The following CTIF variants were observed in gnomAD, a reference collection of about 807,000 sequenced individuals.
CTIF encodes the protein CBP80/20-dependent translation initiation factor.
Under a neutral mutation model 66.0 loss-of-function variants are expected in CTIF, and 21 were observed. The ratio of observed to expected loss-of-function variants is 0.32; its 90% CI spans 0.23 to 0.46. The LOEUF (loss-of-function observed/expected upper bound fraction) is 0.46. CTIF is among the 20% of genes least tolerant of loss of function. The pLI, the probability that CTIF is intolerant of heterozygous loss-of-function variation, is 1.00. For synonymous variants in CTIF, 345 were observed against 326.4 expected (o/e 1.06, Z -0.62); for missense variants, 739 against 812.7 (o/e 0.91, Z 1.10).
chr18:48,769,658 G>A (rs1909913766), intron 9 of CTIF, among the ~76,000 whole-genome samples: 1 of 152,246 alleles, frequency 6.6e-6, no homozygotes, highest in South Asian at 2.1e-4. Flanking sequence ...AAGAGCCAAT[G>A]CCTGACTCCT....
chr18:48,718,736 C>A lies in CTIF; in HGVS notation c.584+7041C>A, dbSNP rs137928883. On this transcript the variant is annotated intron_variant, in intron 7 of 11. Transcript: ENST00000256413. ...AATAATGTCTTACCAGCTAACTGGG[C>A]ACCCCCTAGCCCAGTCAGGTTGACA... 1.8e-4 allele frequency among the ~76,000 whole-genome samples: 27 copies of A among 152,324 alleles called. No homozygotes were observed. The East Asian group carries it at 4.2e-3, about 24-fold the overall frequency.
intron 6 of CTIF, among the ~76,000 whole-genome samples, chr18:48,709,662 G>T (rs1291836293): frequency 6.6e-6 from 1 of 152,270 alleles, no homozygotes; most frequent in Non-Finnish European, 1.5e-5. Context: ...GGGAGGGAGG[G>T]AAAGAGGGAA....
chr18:48,702,590 G>A (rs2092098330), intron 6 of CTIF, among the ~76,000 whole-genome samples: 1 of 152,184 alleles, frequency 6.6e-6, no homozygotes, highest in African/African-American at 2.4e-5. Flanking sequence ...TGGGGTGCCA[G>A]GGCTCAGCGG....
At chr18:48,849,371 T>A (rs1425209902) in intron 10 of CTIF, among the ~76,000 whole-genome samples, 1 of 151,472 alleles carries the variant, frequency 6.6e-6, no homozygotes, top group Non-Finnish European at 1.5e-5. Context: ...CAAATTTTTG[T>A]ATTTTTAGTA....
At chr18:48,810,800 TA>T (rs1333723915) in intron 9 of CTIF, among the ~76,000 whole-genome samples, 1 of 151,824 alleles carries the variant, frequency 6.6e-6, no homozygotes, top group African/African-American at 2.4e-5. Context: ...GTTATCTCTT[TA>T]TTATGGATTG....
chr18:48,757,579 A>G (rs578190890), intron 7 of CTIF, among the ~76,000 whole-genome samples: 13 of 152,360 alleles, frequency 8.5e-5, no homozygotes, highest in Admixed American at 2.0e-4. Flanking sequence ...GTGATGACAG[A>G]GTCAGAGGCA....
chr18:48,641,242 G>A (rs1568097000), intron 3 of CTIF, among the ~76,000 whole-genome samples: 1 of 152,272 alleles, frequency 6.6e-6, no homozygotes, highest in African/African-American at 2.4e-5. Context: ...CATGGGAAAG[G>A]TTGTATGGGG....
intron 3 of CTIF, among the ~76,000 whole-genome samples, chr18:48,657,348 A>G (rs1330539100): frequency 6.6e-6 from 1 of 152,226 alleles, no homozygotes; most frequent in Non-Finnish European, 1.5e-5. Flanking sequence ...TATACCAAAC[A>G]TTTGACTATA....
chr18:48,649,036 T>C (rs1048453151), intron 3 of CTIF, among the ~76,000 whole-genome samples: 2 of 152,172 alleles, frequency 1.3e-5, no homozygotes, highest in African/African-American at 2.4e-5. Context: ...CCCAGCATGA[T>C]TGATGCAGAA....
chr18:48,625,114 G>A (rs954826114), intron 2 of CTIF: 11 of 516,122 alleles, frequency 2.1e-5, no homozygotes, highest in African/African-American at 6.3e-5. Context: ...CTGTTCCCTC[G>A]CCCTTTTTCT....
chr18:48,743,185 G>C lies in CTIF; in HGVS notation c.585-14734G>C, dbSNP rs573455720. ...TCATTCATCTGGTCAGAGTTCTCGT[G>C]TGGCAGCTCCTGCAGCTTGCAGAGC... On this transcript the variant is annotated intron_variant, in intron 7 of 11. Transcript: ENST00000256413. Among the ~76,000 whole-genome samples the C allele has an allele frequency of 2.6e-5, 4 of 152,288 alleles. No homozygotes were observed. In the South Asian group the frequency reaches 8.3e-4, roughly 32 times the overall value.
chr18:48,841,113 T>C (rs1458785414), intron 10 of CTIF, among the ~76,000 whole-genome samples: 1 of 152,132 alleles, frequency 6.6e-6, no homozygotes, highest in Admixed American at 6.5e-5. Context: ...CTGTAAAGTC[T>C]GAGGTTGGTA....
intron 5 of CTIF, 90 bp from the exon 6 acceptor site, chr18:48,670,579 G>A (rs1433432670): frequency 8.3e-7 from 1 of 1,202,332 alleles, no homozygotes; most frequent in Non-Finnish European, 1.2e-6. Flanking sequence ...CCAGGTATCT[G>A]CTGACTGTCC....
chr18:48,762,436 G>C (rs911221538), intron 9 of CTIF, among the ~76,000 whole-genome samples: 1 of 152,196 alleles, frequency 6.6e-6, no homozygotes, highest in Non-Finnish European at 1.5e-5. Flanking sequence ...CAGATGAGCT[G>C]GTGGCCCCAA....
At chr18:48,569,318 G>GA (rs1568038370) in intron 1 of CTIF, among the ~76,000 whole-genome samples, 1 of 152,116 alleles carries the variant, frequency 6.6e-6, no homozygotes, top group Admixed American at 6.6e-5. Context: ...GAGAGAACTG[G>GA]AAAATTCCAG....
At chr18:48,550,815 T>C (rs145744165) in intron 1 of CTIF, among the ~76,000 whole-genome samples, 1 of 152,050 alleles carries the variant, frequency 6.6e-6, no homozygotes, top group East Asian at 1.9e-4. Context: ...CCATGCTTCA[T>C]GGAAAAAAAA....
At chr18:48,721,656 A>G (rs2092337003) in intron 7 of CTIF, among the ~76,000 whole-genome samples, 3 of 152,212 alleles carry the variant, frequency 2.0e-5, no homozygotes, top group Admixed American at 2.0e-4. Flanking sequence ...CATTGTGCAG[A>G]CTACAGGGAT....
chr18:48,640,154 A>C (rs1197064667), intron 3 of CTIF, among the ~76,000 whole-genome samples: 1 of 152,042 alleles, frequency 6.6e-6, no homozygotes, highest in Non-Finnish European at 1.5e-5. Flanking sequence ...AGCCTGGCCC[A>C]CCAGAGGCAA....
intron 7 of CTIF, among the ~76,000 whole-genome samples, chr18:48,731,382 G>A (rs1337860075): frequency 1.3e-5 from 2 of 152,144 alleles, no homozygotes; most frequent in Non-Finnish European, 2.9e-5. Context: ...AGGGAGAGAT[G>A]CCTGGAAGCT....
Sources: gnomAD v4.1 joint callset for allele counts (sites outside exome capture counted in the v4.1 genomes callset) on GRCh38, gnomAD v4.1.1 for gene constraint, MANE v1.5 for transcripts, NCBI Gene and HGNC (gene_info 2026-07-23, HGNC 2026-07-21) for gene names.